The following EXT1 variants were observed in gnomAD, a reference collection of about 807,000 sequenced individuals.
EXT1 encodes exostosin-1.
A neutral mutation model predicts 82.5 loss-of-function variants in EXT1; 20 were observed. The observed-to-expected ratio is 0.24, with a 90% CI of 0.17 to 0.35. EXT1 has a LOEUF of 0.35. Among genes scored for constraint, EXT1 ranks in the 10% least tolerant of loss-of-function variants. EXT1 has a pLI of 1.00. For missense variants in EXT1, 757 were observed against 936.5 expected (o/e 0.81, Z 2.50); for synonymous variants, 348 against 350.8 (o/e 0.99, Z 0.09).
At chr8:117,856,940 T>C (rs915191844) in intron 1 of EXT1, among the ~76,000 whole-genome samples, 1 of 152,164 alleles carries the variant, frequency 6.6e-6, no homozygotes, top group African/African-American at 2.4e-5. Context: ...AATGCTCATT[T>C]ACCACTCCAA....
At position 118,081,997 on chromosome 8, in the gene EXT1, G is replaced by A. The variant is rs184058246; in HGVS notation, c.962+28088C>T. 6.5e-3 allele frequency among the ~76,000 whole-genome samples: 986 copies of A among 152,224 alleles called. 5 individuals are homozygous for A. Among genetic ancestry groups the A allele is most frequent in the Non-Finnish European group, 0.011 (735 of 68,006 alleles). On this transcript the variant is annotated intron_variant, in intron 1 of 10. Coordinates refer to ENST00000378204, the MANE Select transcript of EXT1 (RefSeq NM_000127.3). Reference sequence around the variant, plus strand: ...TTAACTGCTGGGGGAAACAAGAGTCGGGGAGTTCTTGTAAAAGAGGAGTGT... The same window carrying A: ...TTAACTGCTGGGGGAAACAAGAGTCAGGGAGTTCTTGTAAAAGAGGAGTGT...
chr8:117,825,498 C>A (rs1218732380), intron 4 of EXT1, among the ~76,000 whole-genome samples: 1 of 152,066 alleles, frequency 6.6e-6, no homozygotes, highest in African/African-American at 2.4e-5. Context: ...ACAGATAATA[C>A]AAGACTTTTT....
At chr8:117,883,677 C>A (rs1813099743) in intron 1 of EXT1, among the ~76,000 whole-genome samples, 1 of 152,192 alleles carries the variant, frequency 6.6e-6, no homozygotes, top group Admixed American at 6.5e-5. Context: ...TCAGCAAAGT[C>A]CACTAGCGAA....
chr8:118,052,461 G>A (rs971387142), intron 1 of EXT1, among the ~76,000 whole-genome samples: 5 of 152,060 alleles, frequency 3.3e-5, no homozygotes, highest in African/African-American at 1.2e-4. Flanking sequence ...AGTCCTAACA[G>A]CAGTACATTT....
intron 1 of EXT1, among the ~76,000 whole-genome samples, chr8:118,083,334 A>G (rs1255744859): frequency 6.6e-6 from 1 of 152,222 alleles, no homozygotes; most frequent in Non-Finnish European, 1.5e-5. Context: ...TATGGAAGAC[A>G]CTGTACTATT....
At position 118,064,771 on chromosome 8, in the gene EXT1, T is replaced by C. The variant is rs565044717; in HGVS notation, c.962+45314A>G. Among the ~76,000 whole-genome samples, 11 of 152,302 alleles carry C rather than the reference T, an allele frequency of 7.2e-5. No individual in the cohort carries two copies. The South Asian group carries it at 1.7e-3, about 23-fold the overall frequency. On this transcript the variant is annotated intron_variant, in intron 1 of 10. Transcript: ENST00000378204. The stretch of plus-strand genomic sequence containing the variant: ...ATCGCCACACTGTCTTCCACAATGG[T>C]TGAACTAATTTACACTCCCACCAAC...
At chr8:117,958,568 C>A (rs1177776044) in intron 1 of EXT1, among the ~76,000 whole-genome samples, 1 of 152,168 alleles carries the variant, frequency 6.6e-6, no homozygotes, top group East Asian at 1.9e-4. Context: ...TAAAAATAAT[C>A]TTTCTATTTA....
At chr8:118,081,352 A>G (rs1216181708) in intron 1 of EXT1, among the ~76,000 whole-genome samples, 2 of 152,232 alleles carry the variant, frequency 1.3e-5, no homozygotes, top group Non-Finnish European at 2.9e-5. Context: ...TACTTTTGCA[A>G]TAAGAAGGTT....
Position 117,796,468 on chromosome 8 carries a change from C to G in EXT1, c.*3244G>C, listed in dbSNP as rs903244443. 2 of 151,888 alleles carry G rather than the reference C, an allele frequency of 1.3e-5. No individual in the cohort carries two copies. Among genetic ancestry groups the G allele is most frequent in the Admixed American group, 1.3e-4 (2 of 15,242 alleles). The allele number at this position is 151,888 out of a possible 1,614,324, so 9.4% of individuals were successfully genotyped here. A position where few individuals can be genotyped will look rare whatever the true frequency, so the allele number is the denominator to read the frequency against. On this transcript the variant is annotated 3_prime_UTR_variant, in exon 11 of 11. Coordinates refer to ENST00000378204, the MANE Select transcript of EXT1 (RefSeq NM_000127.3). ...TTTATGAAAGGCCACCAGCATAATA[C>G]TCTTTCAAGTCACCAGGTATTTGAG... is the stretch of plus-strand genomic sequence containing the variant.
chr8:117,918,806 G>A (rs1445713842), intron 1 of EXT1, among the ~76,000 whole-genome samples: 4 of 152,130 alleles, frequency 2.6e-5, no homozygotes, highest in African/African-American at 7.2e-5. Context: ...ACTGGATCTC[G>A]AGGAACTATA....
At chr8:118,050,004 C>T (rs1353316223) in intron 1 of EXT1, among the ~76,000 whole-genome samples, 14 of 152,112 alleles carry the variant, frequency 9.2e-5, no homozygotes, top group Non-Finnish European at 2.1e-4. Flanking sequence ...CCTGGTGTGT[C>T]CTTCTTTTAT....
At chr8:118,094,989 C>T (rs563401293) in intron 1 of EXT1, among the ~76,000 whole-genome samples, 17 of 152,186 alleles carry the variant, frequency 1.1e-4, no homozygotes, top group Non-Finnish European at 1.9e-4. Flanking sequence ...CCATGCCCTC[C>T]TCCCTGAGCA....
intron 1 of EXT1, among the ~76,000 whole-genome samples, chr8:118,068,440 C>CCAG (rs1191210608): frequency 6.6e-6 from 1 of 152,134 alleles, no homozygotes; most frequent in Non-Finnish European, 1.5e-5. Context: ...GGTATTAAGC[C>CCAG]CAGCATGCAT....
intron 8 of EXT1, among the ~76,000 whole-genome samples, chr8:117,809,573 G>A (rs1179530637): frequency 6.6e-6 from 1 of 151,608 alleles, no homozygotes; most frequent in Non-Finnish European, 1.5e-5. Flanking sequence ...GGAGGCGGAG[G>A]TTGCGGTGAG....
At chr8:117,867,373 T>A (rs944755933) in intron 1 of EXT1, among the ~76,000 whole-genome samples, 1 of 150,466 alleles carries the variant, frequency 6.6e-6, no homozygotes, top group African/African-American at 2.5e-5. Context: ...TGGGGAGAGA[T>A]GAAAGAATGG....
chr8:117,864,358 G>A (rs527244946), intron 1 of EXT1, among the ~76,000 whole-genome samples: 44 of 152,222 alleles, frequency 2.9e-4, no homozygotes, highest in Non-Finnish European at 4.9e-4. Flanking sequence ...CTAGACCAGG[G>A]TGTCCAATCT....
At chr8:117,955,025 A>G (rs1814560250) in intron 1 of EXT1, among the ~76,000 whole-genome samples, 1 of 152,148 alleles carries the variant, frequency 6.6e-6, no homozygotes, top group Admixed American at 6.5e-5. Context: ...CTCAAGTTCA[A>G]TCGTTTGCTA....
At chr8:118,097,090 A>T (rs984204731) in intron 1 of EXT1, among the ~76,000 whole-genome samples, 9 of 151,966 alleles carry the variant, frequency 5.9e-5, no homozygotes, top group Admixed American at 3.9e-4. Context: ...AAGCTGCAAA[A>T]TTCTTCCTCA....
intron 1 of EXT1, among the ~76,000 whole-genome samples, chr8:117,993,690 T>C (rs759221599): frequency 2.0e-5 from 3 of 152,164 alleles, no homozygotes; most frequent in Non-Finnish European, 4.4e-5. Context: ...TCACAATCCA[T>C]GAGTATAGTT....
Sources: gnomAD v4.1 joint callset for allele counts (sites outside exome capture counted in the v4.1 genomes callset) on GRCh38, gnomAD v4.1.1 for gene constraint, MANE v1.5 for transcripts, NCBI Gene and HGNC (gene_info 2026-07-23, HGNC 2026-07-21) for gene names.